SMARCA4: variants seen among roughly 807,000 people sequenced by gnomAD.
The protein encoded by SMARCA4 is SWI/SNF-related matrix-associated actin-dependent regulator of chromatin subfamily A member 4.
In SMARCA4, 31 loss-of-function variants were observed where a neutral mutation model predicts 193.9. That is an observed-to-expected ratio of 0.16 (90% CI 0.12 to 0.22). The LOEUF (loss-of-function observed/expected upper bound fraction) is 0.22. Ranked by LOEUF, SMARCA4 falls within the 10% of genes least tolerant of loss-of-function variation. SMARCA4 has a pLI of 1.00. For synonymous variants in SMARCA4, 942 were observed against 933.1 expected (o/e 1.01, Z -0.17); for missense variants, 1,148 against 2,296.0 (o/e 0.50, Z 10.22).
At chr19:10,995,249 T>C (rs1288391447) in intron 9 of SMARCA4, 2 of 640,708 alleles carry the variant, frequency 3.1e-6, no homozygotes, top group Non-Finnish European at 5.8e-6. Flanking sequence ...CTCTGGAAAA[T>C]GGAGGTGGTG....
intron 1 of SMARCA4, among the ~76,000 whole-genome samples, chr19:10,975,895 C>T (rs1276884437): frequency 6.6e-6 from 1 of 152,188 alleles, no homozygotes; most frequent in Non-Finnish European, 1.5e-5. Context: ...CCGGCAGCAC[C>T]CGATCCAAGG....
intron 11 of SMARCA4, among the ~76,000 whole-genome samples, chr19:10,999,936 G>T (rs1183627370): frequency 6.6e-6 from 1 of 151,898 alleles, no homozygotes; most frequent in Non-Finnish European, 1.5e-5. Flanking sequence ...GTGTCCAGAA[G>T]TTACTGGGGC....
At chr19:11,061,180 C>A (rs1198295632) in intron 34 of SMARCA4, among the ~76,000 whole-genome samples, 2 of 109,912 alleles carry the variant, frequency 1.8e-5, no homozygotes, top group Non-Finnish European at 1.7e-5. Flanking sequence ...AGAGCAAGAC[C>A]CTGTCTTTAA....
chr19:11,023,676 G>C, intron 20 of SMARCA4, 45 bp downstream of exon 20: 1 of 1,215,392 alleles, frequency 8.2e-7, no homozygotes, highest in South Asian at 1.3e-5. Flanking sequence ...AGCCTCACGT[G>C]GGGGCTTTCT....
intron 1 of SMARCA4, among the ~76,000 whole-genome samples, chr19:10,979,362 C>T (rs992172766): frequency 6.7e-6 from 1 of 149,776 alleles, no homozygotes; most frequent in Non-Finnish European, 1.5e-5. Flanking sequence ...AGAATGCTCA[C>T]ATAAAAAGAA....
intron 30 of SMARCA4, among the ~76,000 whole-genome samples, chr19:11,052,936 G>A (rs952038375): frequency 5.3e-5 from 8 of 152,180 alleles, no homozygotes; most frequent in African/African-American, 1.9e-4. Flanking sequence ...TCCCCGCCTC[G>A]CAGTGTTGGG....
In SMARCA4 at chr19:11,020,003, C is replaced by T. The variant is rs376722341; in HGVS notation, c.2616+302C>T. On this transcript the variant is annotated intron_variant, in intron 18 of 34. Transcript: ENST00000344626. Reference sequence around the variant, plus strand: ...CTCAGCACCAAGGCGTCTCCTGACCCGCCTACAGAGTCCCCATGGGGCCTT... The same window carrying T: ...CTCAGCACCAAGGCGTCTCCTGACCTGCCTACAGAGTCCCCATGGGGCCTT... 1.4e-3 allele frequency among the ~76,000 whole-genome samples: 206 copies of T among 152,344 alleles called. 1 individual carries two copies. The highest frequency in any genetic ancestry group is 4.3e-3 in the African/African-American group (177 of 41,590).
intron 11 of SMARCA4, among the ~76,000 whole-genome samples, chr19:11,000,239 AAAAG>A (rs751533683): frequency 6.6e-6 from 1 of 151,270 alleles, no homozygotes. Context: ...AAAAAAAAAA[AAAAG>A]AAGTTACTTT....
At chr19:11,049,484 T>G (rs1256721743) in intron 30 of SMARCA4, among the ~76,000 whole-genome samples, 1 of 140,356 alleles carries the variant, frequency 7.1e-6, no homozygotes, top group Admixed American at 7.1e-5. Flanking sequence ...CTGGGTTCTG[T>G]GTTTTTTTTT....
intron 11 of SMARCA4, among the ~76,000 whole-genome samples, chr19:11,001,114 A>G (rs1159580533): frequency 6.6e-6 from 1 of 152,064 alleles, no homozygotes; most frequent in African/African-American, 2.4e-5. Context: ...GAGTCCAGTG[A>G]TGAGGTCATG....
chr19:10,996,644 G>A (rs1346339258), intron 11 of SMARCA4, 100 bp downstream of exon 11: 1 of 1,107,032 alleles, frequency 9.0e-7, no homozygotes, highest in African/African-American at 1.5e-5. Flanking sequence ...TACGAACAAT[G>A]ATATGTGATG....
chr19:10,998,460 C>G (rs958685622), intron 11 of SMARCA4, among the ~76,000 whole-genome samples: 6 of 151,036 alleles, frequency 4.0e-5, no homozygotes, highest in African/African-American at 1.5e-4. Flanking sequence ...GACTCTGTAA[C>G]TATGTTGTAA....
chr19:11,053,237 A>G (rs1462925580), intron 30 of SMARCA4, among the ~76,000 whole-genome samples: 1 of 152,152 alleles, frequency 6.6e-6, no homozygotes. Flanking sequence ...TAATCCCAGC[A>G]CTTCGGGAGG....
chr19:10,970,532 G>A (rs1599823564), intron 1 of SMARCA4, among the ~76,000 whole-genome samples: 1 of 152,162 alleles, frequency 6.6e-6, no homozygotes, highest in Non-Finnish European at 1.5e-5. Context: ...TCATGCTCCC[G>A]AGTAGCTGGG....
At chr19:10,979,296 T>C (rs2085378569) in intron 1 of SMARCA4, among the ~76,000 whole-genome samples, 1 of 152,092 alleles carries the variant, frequency 6.6e-6, no homozygotes, top group African/African-American at 2.4e-5. Context: ...ATGACTCTCA[T>C]AGCAGCTTGA....
At chr19:11,060,270 G>C (rs2147130952) in intron 34 of SMARCA4, 83 bp downstream of exon 34, 1 of 1,475,544 alleles carries the variant, frequency 6.8e-7, no homozygotes. Context: ...CTGTGGGGCG[G>C]TGCTCCCACG....
intron 15 of SMARCA4, chr19:11,012,087 C>G (rs1200022423): frequency 6.6e-6 from 1 of 152,192 alleles, no homozygotes; most frequent in African/African-American, 2.4e-5. Flanking sequence ...ATAATTAGAA[C>G]TTGGCTAGGC....
chr19:10,994,433 C>T (rs1473795775), intron 8 of SMARCA4, among the ~76,000 whole-genome samples: 3 of 150,834 alleles, frequency 2.0e-5, no homozygotes, highest in African/African-American at 7.3e-5. Context: ...ACGCCATTCT[C>T]CTGCCTCAGC....
At position 10,985,264 on chromosome 19, in the gene SMARCA4, C is replaced by G. The variant is rs569296824; in HGVS notation, c.223-9C>G. 32 of 1,613,818 alleles carry G rather than the reference C, an allele frequency of 2.0e-5. 1 individual carries two copies. The South Asian group carries it at 3.2e-4, about 16-fold the overall frequency. ...TGCTGACCCTGCCTTGCCATGGTCC[C>G]TCTCGCAGCCCATGGAGTCCATGCA... On this transcript the variant is annotated splice_polypyrimidine_tract_variant and intron_variant, in intron 2 of 34. Transcript: ENST00000344626. This position sits in a 1 kb window ranked among gnomAD's most constrained non-coding sequence, Gnocchi z 4.5.
Sources: allele counts gnomAD v4.1 joint callset (sites outside exome capture counted in the v4.1 genomes callset), GRCh38; gene constraint gnomAD v4.1.1; non-coding constraint Gnocchi (gnomAD v3.1); transcripts MANE v1.5; gene names NCBI Gene and HGNC (gene_info 2026-07-23, HGNC 2026-07-21).